ABCA5: variants seen among roughly 807,000 people sequenced by gnomAD.
ABCA5 encodes ATP binding cassette subfamily A member 5, also known as cholesterol transporter ABCA5.
ABCA5 carries 163 observed loss-of-function variants against 206.0 expected under a neutral mutation model. The ratio of observed to expected loss-of-function variants is 0.79; its 90% CI spans 0.70 to 0.90. The LOEUF (loss-of-function observed/expected upper bound fraction) is 0.90. Among genes scored for constraint, ABCA5 ranks in the 40% least tolerant of loss-of-function variants. The probability of loss-of-function intolerance (pLI) is 0.00; values close to 1 mark genes in which losing one functional copy is unlikely to be tolerated. For missense variants in ABCA5, 1,859 were observed against 1,912.9 expected, an observed-to-expected ratio of 0.97 and a Z score of 0.53; for synonymous variants, 609 against 613.8, an observed-to-expected ratio of 0.99 and a Z score of 0.11.
At chr17:69,261,018 C>G (rs1421659906) in intron 26 of ABCA5, 107 bp downstream of exon 26, 4 of 858,104 alleles carry the variant, frequency 4.7e-6, no homozygotes, top group Non-Finnish European at 7.1e-6. Context: ...AAGTAGTAGC[C>G]ATTAGCCCAA....
At chr17:69,316,843 G>A (rs1409757044) in intron 1 of ABCA5, 11 of 152,134 alleles carry the variant, frequency 7.2e-5, no homozygotes, top group Admixed American at 3.9e-4. Flanking sequence ...AAGAAACTGC[G>A]GAGAAAGTGG....
At position 69,244,886 on chromosome 17, in the gene ABCA5, A is replaced by G. The variant is rs1056967557; in HGVS notation, c.*2651T>C. 8.0e-5 allele frequency: 12 copies of G among 149,672 alleles called. 1 individual carries two copies. The South Asian group carries it at 1.5e-3, about 18-fold the overall frequency. 9.3% of individuals were successfully genotyped at this position (149,672 alleles called of 1,614,324 possible). A position where few individuals can be genotyped will look rare whatever the true frequency, so the allele number is the denominator to read the frequency against. On this transcript the variant is annotated 3_prime_UTR_variant, in exon 39 of 39. Transcript: ENST00000392676. ...ATATTATAGTTAGTTATATAAAATA[A>G]TAGCTAGTTATATAAGTTATATAAG...
Position 69,248,279 on chromosome 17 carries a change from G to T in ABCA5, c.4804C>A (p.Gln1602Lys). 6.4e-7 allele frequency: 1 copy of T among 1,559,874 alleles called. No individual in the cohort carries two copies. The highest frequency in any genetic ancestry group is 8.8e-7 in the Non-Finnish European group (1 of 1,141,292). The change falls in exon 38 of 39, where the codon CAA becomes AAA. Residue 1602 changes from glutamine to lysine, a missense_variant. Transcript: ENST00000392676. ...AFAIEEYSFS[Q>K]ATLEQVFVEL... ...TATAGTACCTGTTCCAATGTTGCTT[G>T]AGAAAAGCTATATTCTTCAATGGCA...
intron 1 of ABCA5, among the ~76,000 whole-genome samples, chr17:69,320,082 G>A (rs1156322482): frequency 1.3e-5 from 2 of 152,196 alleles, no homozygotes; most frequent in African/African-American, 2.4e-5. Context: ...ATGAAAAGCT[G>A]AAAATGGTGG....
intron 10 of ABCA5, among the ~76,000 whole-genome samples, chr17:69,295,916 AT>A (rs1345138649): frequency 3.9e-5 from 6 of 152,158 alleles, no homozygotes; most frequent in Non-Finnish European, 8.8e-5. Context: ...TCAAACTTGT[AT>A]TTTTCAGGGA....
chr17:69,289,060 C>A, intron 14 of ABCA5, 117 bp downstream of exon 14: 2 of 978,962 alleles, frequency 2.0e-6, no homozygotes, highest in Non-Finnish European at 1.4e-6. Context: ...TCCATAATAA[C>A]ATACAGCATT....
At chr17:69,297,425 C>A in intron 9 of ABCA5, 66 bp from the exon 10 acceptor site, 1 of 1,445,788 alleles carries the variant, frequency 6.9e-7, no homozygotes, top group South Asian at 1.3e-5. Flanking sequence ...GACAGCATTT[C>A]AAACATATGA....
At chr17:69,323,854 G>A (rs1029383820) in intron 1 of ABCA5, among the ~76,000 whole-genome samples, 3 of 152,150 alleles carry the variant, frequency 2.0e-5, no homozygotes, top group African/African-American at 7.2e-5. Flanking sequence ...CAGCCCATGA[G>A]GAACACTGCT....
At chr17:69,258,325 G>A (rs1195326436) in intron 28 of ABCA5, among the ~76,000 whole-genome samples, 1 of 152,090 alleles carries the variant, frequency 6.6e-6, no homozygotes, top group African/African-American at 2.4e-5. Flanking sequence ...ATACACCATG[G>A]AATACTCCAC....
intron 9 of ABCA5, among the ~76,000 whole-genome samples, chr17:69,299,467 C>CAT (rs2075627455): frequency 7.2e-6 from 1 of 139,540 alleles, no homozygotes; most frequent in South Asian, 2.5e-4. Context: ...CACACACACA[C>CAT]ACATACACAC....
chr17:69,280,230 A>C (rs2075377553), intron 18 of ABCA5, among the ~76,000 whole-genome samples: 1 of 152,262 alleles, frequency 6.6e-6, no homozygotes, highest in Non-Finnish European at 1.5e-5. Flanking sequence ...AAAGGACATA[A>C]ACAGACACTT....
At chr17:69,317,508 TTA>T (rs1294790858) in intron 1 of ABCA5, among the ~76,000 whole-genome samples, 1 of 151,808 alleles carries the variant, frequency 6.6e-6, no homozygotes, top group African/African-American at 2.4e-5. Context: ...ATGTCAAATG[TTA>T]TATGATTCCC....
chr17:69,254,557 A>G, intron 31 of ABCA5, 67 bp from the exon 32 acceptor site: 6 of 1,315,700 alleles, frequency 4.6e-6, no homozygotes, highest in Non-Finnish European at 6.3e-6. Context: ...TGGCAAGTAC[A>G]TTAATTAAAA....
At chr17:69,270,474 T>C (rs1345345854) in intron 22 of ABCA5, 139 bp downstream of exon 22, 7 of 741,192 alleles carry the variant, frequency 9.4e-6, no homozygotes, top group African/African-American at 1.8e-5. Context: ...ATGTAAACCG[T>C]TTCTCACTTG....
Position 69,257,131 on chromosome 17 carries a change from G to A in ABCA5, c.3732-848C>T, listed in dbSNP as rs77640551. 3.9e-3 allele frequency among the ~76,000 whole-genome samples: 601 copies of A among 152,170 alleles called. 1 individual carries two copies. Among genetic ancestry groups the A allele is most frequent in the African/African-American group, 0.014 (570 of 41,498 alleles). The stretch of plus-strand genomic sequence containing the variant: ...TGTAATCTTAGCACTTTAAGAAGCC[G>A]AGGCATGCAGATCACTTGAGGTCAG... On this transcript the variant is annotated intron_variant, in intron 28 of 38. Transcript: ENST00000392676.
chr17:69,322,142 C>T (rs1281026354), intron 1 of ABCA5, among the ~76,000 whole-genome samples: 2 of 151,968 alleles, frequency 1.3e-5, no homozygotes, highest in African/African-American at 4.8e-5. Flanking sequence ...GAGGCTGAGG[C>T]GGGAAGATCA....
chr17:69,304,495 C>A, intron 7 of ABCA5, 174 bp downstream of exon 7: 1 of 506,698 alleles, frequency 2.0e-6, no homozygotes, highest in Non-Finnish European at 3.3e-6. Flanking sequence ...TGTAACATTA[C>A]TAAAAATACA....
intron 37 of ABCA5, 173 bp downstream of exon 37, chr17:69,249,732 A>T (rs886728794): frequency 1.2e-6 from 1 of 803,838 alleles, no homozygotes; most frequent in Middle Eastern, 3.5e-4. Flanking sequence ...AGTTTCTAAA[A>T]TAAACCGAGT....
intron 14 of ABCA5, among the ~76,000 whole-genome samples, chr17:69,288,719 GAAGA>G (rs147123123): frequency 0.76 from 110,099 of 145,024 alleles, 42,609 homozygotes; most frequent in East Asian, 0.91. Context: ...AAAAAAAAAA[GAAGA>G]AAGAAAGAAA....
Sources: allele counts gnomAD v4.1 joint callset (sites outside exome capture counted in the v4.1 genomes callset), GRCh38; gene constraint gnomAD v4.1.1; transcripts MANE v1.5; gene names NCBI Gene and HGNC (gene_info 2026-07-23, HGNC 2026-07-21).